Variants in CCSER1 observed in about 807,000 individuals in gnomAD.
CCSER1 encodes the protein serine-rich coiled-coil domain-containing protein 1.
A neutral mutation model predicts 82.0 loss-of-function variants in CCSER1; 41 were observed. The ratio of observed to expected loss-of-function variants is 0.50; its 90% CI spans 0.39 to 0.65. CCSER1 has a LOEUF of 0.65. Ranked by LOEUF, CCSER1 falls within the 30% of genes least tolerant of loss-of-function variation. The pLI, the probability that CCSER1 is intolerant of heterozygous loss-of-function variation, is 0.00. For missense variants in CCSER1, 1,119 were observed against 1,064.2 expected (o/e 1.05, Z -0.72); for synonymous variants, 414 against 383.9 (o/e 1.08, Z -0.92).
chr4:91,212,197 C>T (rs1388817619), intron 10 of CCSER1, among the ~76,000 whole-genome samples: 2 of 151,746 alleles, frequency 1.3e-5, no homozygotes, highest in Non-Finnish European at 2.9e-5. Context: ...TTTTCAATGC[C>T]TTCCTTCCTA....
intron 10 of CCSER1, among the ~76,000 whole-genome samples, chr4:91,086,878 G>T (rs536924728): frequency 1.3e-5 from 2 of 152,070 alleles, no homozygotes; most frequent in South Asian, 4.2e-4. Flanking sequence ...CATTTTCTCA[G>T]ATATTTTCCA....
intron 9 of CCSER1, among the ~76,000 whole-genome samples, chr4:91,053,570 G>C (rs1016741914): frequency 1.3e-5 from 2 of 152,136 alleles, no homozygotes; most frequent in African/African-American, 4.8e-5. Flanking sequence ...CAGACCTCCA[G>C]AGGATAGAGT....
At chr4:90,705,322 G>T (rs759177304) in intron 6 of CCSER1, among the ~76,000 whole-genome samples, 1 of 152,210 alleles carries the variant, frequency 6.6e-6, no homozygotes, top group Non-Finnish European at 1.5e-5. Flanking sequence ...CTGTCTGATT[G>T]TTCCTGTGGA....
chr4:90,932,996 G>GAAAGAA (rs1561385370), intron 9 of CCSER1, among the ~76,000 whole-genome samples: 2 of 56,062 alleles, frequency 3.6e-5, no homozygotes, highest in Non-Finnish European at 6.3e-5. Flanking sequence ...AAGAAAGAAA[G>GAAAGAA]AAAGAAAGAA....
chr4:90,853,062 A>C (rs1764068266), intron 8 of CCSER1, among the ~76,000 whole-genome samples: 1 of 152,078 alleles, frequency 6.6e-6, no homozygotes, highest in Non-Finnish European at 1.5e-5. Context: ...ACAAGGTTTA[A>C]ATATATATAG....
At chr4:90,155,169 C>T (rs1465245350) in intron 1 of CCSER1, among the ~76,000 whole-genome samples, 66 of 152,130 alleles carry the variant, frequency 4.3e-4, no homozygotes, top group South Asian at 2.9e-3. Flanking sequence ...TCTGTTTATA[C>T]GCTGGATTAC....
At chr4:90,149,685 T>C (rs1233547213) in intron 1 of CCSER1, among the ~76,000 whole-genome samples, 1 of 152,172 alleles carries the variant, frequency 6.6e-6, no homozygotes, top group African/African-American at 2.4e-5. Flanking sequence ...ACCATGATAC[T>C]TCTTTAGGTA....
rs1764860950 is a variant in CCSER1, at chr4:91,602,807, CAGA to C, written c.*3753_*3755del. Among the ~76,000 whole-genome samples, 1 of 151,964 alleles carries C rather than the reference CAGA, an allele frequency of 6.6e-6. No individual in the cohort carries two copies. Among genetic ancestry groups the C allele is most frequent in the Admixed American group, 6.6e-5 (1 of 15,216 alleles). On this transcript the variant is annotated 3_prime_UTR_variant, in exon 11 of 11. Coordinates refer to ENST00000509176, the MANE Select transcript of CCSER1 (RefSeq NM_001145065.2). ...GTTACTGAATCACATGCCCCATAAT[CAGA>C]AGCTTTTCCCTTATTGATAATATTA...
chr4:90,933,194 ATT>A (rs201922823), intron 9 of CCSER1, among the ~76,000 whole-genome samples: 45,563 of 91,706 alleles, frequency 0.5, 12,107 homozygotes, highest in African/African-American at 0.72. Flanking sequence ...ATTTTATTTT[ATT>A]TTTTTTTTTG....
chr4:90,933,676 T>C (rs1730560847), intron 9 of CCSER1, among the ~76,000 whole-genome samples: 1 of 124,568 alleles, frequency 8.0e-6, no homozygotes, highest in South Asian at 2.2e-4. Flanking sequence ...TATTATTTTC[T>C]ATACTTTTGG....
intron 10 of CCSER1, among the ~76,000 whole-genome samples, chr4:91,160,729 T>G (rs191421505): frequency 4.2e-4 from 63 of 151,726 alleles, no homozygotes; most frequent in African/African-American, 1.4e-3. Flanking sequence ...CTTTGCCCAC[T>G]TTTTGATGTT....
At chr4:90,484,466 G>A (rs1766644062) in intron 5 of CCSER1, among the ~76,000 whole-genome samples, 1 of 151,974 alleles carries the variant, frequency 6.6e-6, no homozygotes, top group Admixed American at 6.6e-5. Context: ...TAGAGTTTCT[G>A]GTTTTTCTGC....
chr4:90,437,228 AACACACAC>A (rs1560515929), intron 4 of CCSER1, among the ~76,000 whole-genome samples: 1 of 152,110 alleles, frequency 6.6e-6, no homozygotes, highest in African/African-American at 2.4e-5. Flanking sequence ...TTATAATTAA[AACACACAC>A]GCACACATGC....
chr4:91,372,629 TA>T (rs1446657579), intron 10 of CCSER1, among the ~76,000 whole-genome samples: 1 of 152,092 alleles, frequency 6.6e-6, no homozygotes, highest in Non-Finnish European at 1.5e-5. Context: ...AGTAATCACA[TA>T]AAAACTTACA....
At chr4:90,925,724 G>A (rs2150260403) in intron 9 of CCSER1, among the ~76,000 whole-genome samples, 1 of 152,214 alleles carries the variant, frequency 6.6e-6, no homozygotes, top group African/African-American at 2.4e-5. Flanking sequence ...CATGGTAATT[G>A]TTAATCCTCA....
intron 9 of CCSER1, among the ~76,000 whole-genome samples, chr4:91,006,848 A>G (rs910415183): frequency 6.6e-6 from 1 of 152,186 alleles, no homozygotes; most frequent in Admixed American, 6.5e-5. Context: ...TGGTGAAAGT[A>G]GGCATCCTTG....
At chr4:90,211,700 A>G (rs957742658) in intron 1 of CCSER1, among the ~76,000 whole-genome samples, 3 of 152,208 alleles carry the variant, frequency 2.0e-5, no homozygotes, top group African/African-American at 7.2e-5. Flanking sequence ...TCCATATGTG[A>G]TTAACAGTTA....
chr4:91,406,362 A>G lies in CCSER1; in HGVS notation c.2218-192210A>G, dbSNP rs555951730. ...CTCCAAAGCTTATACTGTTTCCAGTATACTATATTGTTTTATGACATTCTA... is the reference window on the plus strand; with the variant it reads ...CTCCAAAGCTTATACTGTTTCCAGTGTACTATATTGTTTTATGACATTCTA... On this transcript the variant is annotated intron_variant, in intron 10 of 10. Coordinates refer to ENST00000509176, the MANE Select transcript of CCSER1 (RefSeq NM_001145065.2). Among the ~76,000 whole-genome samples the G allele has an allele frequency of 7.2e-5, 11 of 152,346 alleles. No homozygotes were observed. The South Asian group carries it at 1.7e-3, about 23-fold the overall frequency.
chr4:90,844,615 A>G (rs187797514), intron 8 of CCSER1, among the ~76,000 whole-genome samples: 2 of 151,890 alleles, frequency 1.3e-5, no homozygotes, highest in African/African-American at 4.8e-5. Context: ...ACCTTCCTCA[A>G]CTTCACTACT....
Sources: gnomAD v4.1 joint callset for allele counts (sites outside exome capture counted in the v4.1 genomes callset) on GRCh38, gnomAD v4.1.1 for gene constraint, MANE v1.5 for transcripts, NCBI Gene and HGNC (gene_info 2026-07-23, HGNC 2026-07-21) for gene names.